Variants in YES1 observed in about 807,000 individuals in gnomAD.
YES1 encodes tyrosine-protein kinase Yes.
Under a neutral mutation model 70.4 loss-of-function variants are expected in YES1, and 39 were observed. The observed-to-expected ratio is 0.55, with a 90% confidence interval of 0.43 to 0.72. YES1 has a LOEUF of 0.72. Ranked by LOEUF, YES1 falls within the 30% of genes least tolerant of loss-of-function variation. The pLI is 0.00. For missense variants in YES1, 495 were observed against 644.8 expected (o/e 0.77, Z 2.52); for synonymous variants, 198 against 218.6 (o/e 0.91, Z 0.83).
chr18:758,234 A>T (rs984957402), intron 1 of YES1, among the ~76,000 whole-genome samples: 1 of 152,216 alleles, frequency 6.6e-6, no homozygotes, highest in Non-Finnish European at 1.5e-5. Flanking sequence ...ACTGAGCCTT[A>T]AAAATCTGAT....
In YES1 at chr18:745,611, T is replaced by C. The variant is rs115919006; in HGVS notation, c.724+97A>G. The C allele has an allele frequency of 2.6e-4, 307 of 1,187,420 alleles. 2 individuals carry two copies. In the African/African-American group the frequency reaches 4.2e-3, roughly 16 times the overall value. 73.6% of individuals were successfully genotyped at this position (1,187,420 alleles called of 1,614,324 possible). On this transcript the variant is annotated intron_variant, in intron 6 of 11. Coordinates refer to ENST00000314574, the MANE Select transcript of YES1 (RefSeq NM_005433.4). ...TTATTGGGCATGTATTATGTGTAAA[T>C]AAGTGTGTTAAATCTTAAGAGAAAT...
At chr18:732,432 G>GTT (rs142687649) in intron 11 of YES1, among the ~76,000 whole-genome samples, 6 of 92,044 alleles carry the variant, frequency 6.5e-5, no homozygotes, top group South Asian at 3.8e-4. Context: ...GCAAGACTGT[G>GTT]TTTAAAAAAA....
chr18:733,102 TG>T, intron 10 of YES1, 137 bp from the exon 11 acceptor site: 1 of 707,232 alleles, frequency 1.4e-6, no homozygotes, highest in Non-Finnish European at 2.2e-6. Context: ...ACAAGATACA[TG>T]GGATAAAAAT....
rs1021340063 is a variant in YES1 at position 722,116 on chromosome 18, T to C, written c.*2308A>G. 2.6e-5 allele frequency: 4 copies of C among 152,652 alleles called. No individual in the cohort carries two copies. The highest frequency in any genetic ancestry group is 9.6e-5 in the African/African-American group (4 of 41,456). 9.5% of individuals were successfully genotyped at this position (152,652 alleles called of 1,614,324 possible). A position where few individuals can be genotyped will look rare whatever the true frequency, so the allele number is the denominator to read the frequency against. The stretch of plus-strand genomic sequence containing the variant: ...AACTTTTCCTGCCTTACTTTCCTGA[T>C]TAGATTTAGTACATAAACGTAATTT... On this transcript the variant is annotated 3_prime_UTR_variant, in exon 12 of 12. Transcript: ENST00000314574.
intron 9 of YES1, chr18:738,144 A>G (rs1187154851): frequency 6.6e-6 from 1 of 151,880 alleles, no homozygotes; most frequent in Non-Finnish European, 1.5e-5. Context: ...CCTGTTGCCT[A>G]TGTATAGTTT....
rs1288538575 is a variant in YES1 at position 734,686 on chromosome 18, TA to T, written c.1292-1722del. Among the ~76,000 whole-genome samples the T allele has an allele frequency of 3.7e-3, 517 of 139,316 alleles. 2 individuals are homozygous for T. The highest frequency in any genetic ancestry group is 4.0e-3 in the Non-Finnish European group (252 of 63,682). 91.4% of individuals were successfully genotyped at this position (139,316 alleles called of 152,430 possible). The stretch of plus-strand genomic sequence containing the variant: ...TGTAAGAATGGCCATAATGAATAAG[TA>T]AAAAAAAAAAACAATAGATGTTGGT... On this transcript the variant is annotated intron_variant, in intron 10 of 11. Coordinates refer to ENST00000314574, the MANE Select transcript of YES1 (RefSeq NM_005433.4).
intron 1 of YES1, among the ~76,000 whole-genome samples, chr18:793,270 AC>A (rs1175074532): frequency 6.6e-5 from 10 of 151,806 alleles, no homozygotes; most frequent in African/African-American, 2.2e-4. Context: ...CAAACTCCAG[AC>A]CTCGTGATCC....
intron 11 of YES1, among the ~76,000 whole-genome samples, chr18:725,762 T>C (rs2080010811): frequency 6.6e-6 from 1 of 152,158 alleles, no homozygotes; most frequent in South Asian, 2.1e-4. Flanking sequence ...GGCAGGTGCC[T>C]GTAATCCCAG....
At chr18:786,419 CT>C (rs1174421270) in intron 1 of YES1, among the ~76,000 whole-genome samples, 1 of 151,412 alleles carries the variant, frequency 6.6e-6, no homozygotes, top group East Asian at 1.9e-4. Context: ...AAAATAGAAT[CT>C]TTGTCTATTG....
At chr18:789,625 G>A (rs1168981864) in intron 1 of YES1, among the ~76,000 whole-genome samples, 1 of 151,970 alleles carries the variant, frequency 6.6e-6, no homozygotes, top group Admixed American at 6.6e-5. Flanking sequence ...ACCCAACAAC[G>A]TTCTACATCA....
intron 9 of YES1, chr18:737,966 C>G (rs902014408): frequency 2.0e-5 from 3 of 151,964 alleles, no homozygotes; most frequent in African/African-American, 7.3e-5. Flanking sequence ...CCATCTCGCA[C>G]AGCCTGGTTT....
chr18:746,068 T>G lies in YES1; in HGVS notation c.471-17A>C. On this transcript the variant is annotated splice_polypyrimidine_tract_variant and intron_variant, in intron 4 of 11. Transcript: ENST00000314574. The stretch of plus-strand genomic sequence containing the variant: ...AAATACCATCTGGAAAAAAATTAAG[T>G]GTTTTGAATTGAAAAGTATGAGGTT... 6.3e-7 allele frequency: 1 copy of G among 1,586,692 alleles called. No individual in the cohort carries two copies. Among genetic ancestry groups the G allele is most frequent in the Non-Finnish European group, 8.6e-7 (1 of 1,159,334 alleles).
chr18:734,464 C>CAGG (rs77765790), intron 10 of YES1, among the ~76,000 whole-genome samples: 18,038 of 150,214 alleles, frequency 0.12, 1,194 homozygotes, highest in East Asian at 0.28. Context: ...GAGGCTTAGG[C>CAGG]AGAATGGCGA....
At chr18:757,705 C>A (rs1904366735) in intron 1 of YES1, among the ~76,000 whole-genome samples, 1 of 151,448 alleles carries the variant, frequency 6.6e-6, no homozygotes, top group African/African-American at 2.4e-5. Context: ...ACCTGTAATC[C>A]CAGCTACTAG....
At chr18:764,695 T>A (rs909482223) in intron 1 of YES1, among the ~76,000 whole-genome samples, 2 of 152,276 alleles carry the variant, frequency 1.3e-5, no homozygotes, top group Middle Eastern at 3.4e-3. Context: ...AGAGATAGAT[T>A]AAACAAAAAT....
intron 1 of YES1, among the ~76,000 whole-genome samples, chr18:773,440 A>G (rs1467659759): frequency 6.6e-6 from 1 of 152,150 alleles, no homozygotes; most frequent in African/African-American, 2.4e-5. Context: ...CCTATTTCTT[A>G]TATGGTTGTC....
chr18:759,219 C>T (rs1030464581), intron 1 of YES1, among the ~76,000 whole-genome samples: 1 of 152,230 alleles, frequency 6.6e-6, no homozygotes, highest in Non-Finnish European at 1.5e-5. Flanking sequence ...GTAATCCCAA[C>T]ACTTTGGGAG....
chr18:769,734 TTAAG>T (rs1905073663), intron 1 of YES1, among the ~76,000 whole-genome samples: 1 of 152,224 alleles, frequency 6.6e-6, no homozygotes. Context: ...TTATTGACTG[TTAAG>T]TAAACCTTGG....
At chr18:805,211 A>G (rs1446763968) in intron 1 of YES1, among the ~76,000 whole-genome samples, 1 of 152,158 alleles carries the variant, frequency 6.6e-6, no homozygotes, top group Non-Finnish European at 1.5e-5. Context: ...GCTGACTACA[A>G]CCTTGGGCCA....
Sources: allele counts gnomAD v4.1 joint callset (sites outside exome capture counted in the v4.1 genomes callset), GRCh38; gene constraint gnomAD v4.1.1; transcripts MANE v1.5; gene names NCBI Gene and HGNC (gene_info 2026-07-23, HGNC 2026-07-21).